Variants in MEF2A observed in about 807,000 individuals in gnomAD.
MEF2A encodes myocyte-specific enhancer factor 2A.
Under a neutral mutation model 55.8 loss-of-function variants are expected in MEF2A, and 28 were observed. That is an observed-to-expected ratio of 0.50 (90% confidence interval 0.37 to 0.69). MEF2A has a LOEUF of 0.69. MEF2A is among the 30% of genes least tolerant of loss of function. The pLI is 0.00. For synonymous variants in MEF2A, 239 were observed against 227.1 expected, an observed-to-expected ratio of 1.05 and a Z score of -0.47; for missense variants, 528 against 626.2, an observed-to-expected ratio of 0.84 and a Z score of 1.67.
At chr15:99,569,856 C>T (rs187261659) in intron 1 of MEF2A, among the ~76,000 whole-genome samples, 286 of 151,854 alleles carry the variant, frequency 1.9e-3, no homozygotes, top group African/African-American at 6.6e-3. Flanking sequence ...ATGATTTTCT[C>T]GTGTATAGTT....
intron 7 of MEF2A, among the ~76,000 whole-genome samples, chr15:99,689,210 A>G (rs143085305): frequency 2.6e-5 from 4 of 152,362 alleles, no homozygotes; most frequent in African/African-American, 9.6e-5. Context: ...GAAATATTTA[A>G]TAAGGACCTC....
intron 3 of MEF2A, among the ~76,000 whole-genome samples, chr15:99,640,865 C>G (rs1393929515): frequency 6.6e-6 from 1 of 151,994 alleles, no homozygotes; most frequent in Admixed American, 6.6e-5. Flanking sequence ...TCTTGGAGGT[C>G]TGAAACTCTG....
chr15:99,681,364 G>GT (rs1052633912), intron 7 of MEF2A, among the ~76,000 whole-genome samples: 1 of 152,196 alleles, frequency 6.6e-6, no homozygotes, highest in Non-Finnish European at 1.5e-5. Context: ...GACAGCAGTA[G>GT]TTGAAGTCTT....
intron 1 of MEF2A, among the ~76,000 whole-genome samples, chr15:99,575,585 T>C (rs1964013193): frequency 6.6e-6 from 1 of 152,240 alleles, no homozygotes; most frequent in Admixed American, 6.5e-5. Flanking sequence ...GCTAGTTTTC[T>C]CTATTACAAA....
chr15:99,588,650 C>T (rs2152940167), intron 1 of MEF2A, among the ~76,000 whole-genome samples: 1 of 152,016 alleles, frequency 6.6e-6, no homozygotes, highest in East Asian at 1.9e-4. Flanking sequence ...CTCTATGTTG[C>T]CCAGGCTGTT....
At chr15:99,679,492 A>G (rs967422629) in intron 7 of MEF2A, among the ~76,000 whole-genome samples, 1 of 152,256 alleles carries the variant, frequency 6.6e-6, no homozygotes, top group Non-Finnish European at 1.5e-5. Context: ...ATAAAGTTTG[A>G]AAAGCAGGCC....
At chr15:99,652,823 G>A (rs1483838205) in intron 4 of MEF2A, among the ~76,000 whole-genome samples, 6 of 152,180 alleles carry the variant, frequency 3.9e-5, no homozygotes, top group Non-Finnish European at 5.9e-5. Flanking sequence ...AATATTGAAT[G>A]TAATAGTTCT....
chr15:99,686,457 C>T (rs1241067944), intron 7 of MEF2A, among the ~76,000 whole-genome samples: 1 of 152,146 alleles, frequency 6.6e-6, no homozygotes, highest in Non-Finnish European at 1.5e-5. Context: ...GAAAAAGACT[C>T]TCTCTTCTTC....
intron 2 of MEF2A, among the ~76,000 whole-genome samples, chr15:99,605,894 C>T (rs541753461): frequency 6.6e-6 from 1 of 152,016 alleles, no homozygotes; most frequent in Non-Finnish European, 1.5e-5. Flanking sequence ...CACTTGAGAC[C>T]GGGAGGCAGA....
intron 1 of MEF2A, among the ~76,000 whole-genome samples, chr15:99,575,927 A>G (rs1964124822): frequency 1.3e-5 from 2 of 152,198 alleles, no homozygotes; most frequent in South Asian, 2.1e-4. Flanking sequence ...ACATTTGGTT[A>G]GTGGAAACTT....
At chr15:99,686,196 T>C (rs1481758127) in intron 7 of MEF2A, among the ~76,000 whole-genome samples, 1 of 152,226 alleles carries the variant, frequency 6.6e-6, no homozygotes, top group Non-Finnish European at 1.5e-5. Context: ...TCTGTATATT[T>C]TAAGTGGAAC....
chr15:99,668,292 C>T (rs775158793), intron 4 of MEF2A, among the ~76,000 whole-genome samples: 5 of 152,104 alleles, frequency 3.3e-5, no homozygotes, highest in South Asian at 2.1e-4. Context: ...GGTGTATCAT[C>T]GGCTTAAATT....
intron 1 of MEF2A, among the ~76,000 whole-genome samples, chr15:99,586,414 A>G (rs1967281232): frequency 6.6e-6 from 1 of 152,098 alleles, no homozygotes; most frequent in South Asian, 2.1e-4. Flanking sequence ...TTTAATCTCC[A>G]CTTCTTTGAT....
intron 5 of MEF2A, among the ~76,000 whole-genome samples, chr15:99,672,763 T>C (rs1296373762): frequency 2.0e-5 from 3 of 152,206 alleles, no homozygotes; most frequent in Admixed American, 6.5e-5. Context: ...AAACATTAAA[T>C]TTATTAATGT....
At chr15:99,700,368 CGA>C (rs2057241473) in intron 8 of MEF2A, among the ~76,000 whole-genome samples, 1 of 151,152 alleles carries the variant, frequency 6.6e-6, no homozygotes, top group Non-Finnish European at 1.5e-5. Context: ...AAAAATTAGT[CGA>C]GTGTGGTAGG....
intron 2 of MEF2A, among the ~76,000 whole-genome samples, chr15:99,614,332 C>G (rs773331000): frequency 9.2e-5 from 14 of 152,056 alleles, no homozygotes; most frequent in Non-Finnish European, 2.1e-4. Flanking sequence ...TCAAGTGATC[C>G]CTCACCTCAC....
chr15:99,667,063 C>G (rs777675681), intron 4 of MEF2A, among the ~76,000 whole-genome samples: 2 of 152,162 alleles, frequency 1.3e-5, no homozygotes, highest in African/African-American at 4.8e-5. Context: ...GAACAGCATA[C>G]TACTTCTTCC....
At chr15:99,681,716 C>A (rs4564541) in intron 7 of MEF2A, 52,193 of 152,080 alleles carry the variant, frequency 0.34, 10,599 homozygotes, top group Middle Eastern at 0.48. Context: ...TCTTACAAGA[C>A]ATTTCATTGA....
At chr15:99,611,182 C>A (rs1977140303) in intron 2 of MEF2A, among the ~76,000 whole-genome samples, 1 of 152,188 alleles carries the variant, frequency 6.6e-6, no homozygotes, top group South Asian at 2.1e-4. Flanking sequence ...GTGGAGGTTG[C>A]AGTGAGCTGA....
Sources: gnomAD v4.1 joint callset for allele counts (sites outside exome capture counted in the v4.1 genomes callset) on GRCh38, gnomAD v4.1.1 for gene constraint, MANE v1.5 for transcripts, NCBI Gene and HGNC (gene_info 2026-07-23, HGNC 2026-07-21) for gene names.